MGAT4C: variants seen among roughly 807,000 people sequenced by gnomAD.
MGAT4C encodes alpha-1,3-mannosyl-glycoprotein 4-beta-N-acetylglucosaminyltransferase C.
MGAT4C carries 19 observed loss-of-function variants against 40.1 expected under a neutral mutation model. The ratio of observed to expected loss-of-function variants is 0.47; its 90% confidence interval spans 0.33 to 0.70. The LOEUF (loss-of-function observed/expected upper bound fraction) is 0.70, where lower values mean the gene tolerates loss of function less well. MGAT4C is among the 30% of genes least tolerant of loss of function. MGAT4C has a pLI of 0.02. For missense variants in MGAT4C, 491 were observed against 563.2 expected, an observed-to-expected ratio of 0.87 and a Z score of 1.30; for synonymous variants, 181 against 187.1, an observed-to-expected ratio of 0.97 and a Z score of 0.27.
chr12:86,021,728 T>TA (rs1889754157), intron 2 of MGAT4C, among the ~76,000 whole-genome samples: 2 of 152,192 alleles, frequency 1.3e-5, no homozygotes, highest in Admixed American at 6.5e-5. Flanking sequence ...CCCTAAAACT[T>TA]AGAGTATAAT....
At chr12:86,819,743 A>G (rs1952674407) in intron 1 of MGAT4C, among the ~76,000 whole-genome samples, 2 of 150,912 alleles carry the variant, frequency 1.3e-5, no homozygotes, top group South Asian at 4.1e-4. Context: ...CTTAGAGTTA[A>G]TTAGAATATC....
chr12:85,990,377 TAACA>T (rs779336182), intron 2 of MGAT4C, among the ~76,000 whole-genome samples: 2 of 152,170 alleles, frequency 1.3e-5, no homozygotes, highest in Non-Finnish European at 2.9e-5. Flanking sequence ...CTGAAGCACT[TAACA>T]AACTAGAAAA....
chr12:86,760,013 A>T (rs1260951174), intron 1 of MGAT4C, among the ~76,000 whole-genome samples: 1 of 152,150 alleles, frequency 6.6e-6, no homozygotes. Context: ...CACATCACCT[A>T]TCTTCAAAAC....
intron 1 of MGAT4C, among the ~76,000 whole-genome samples, chr12:86,806,933 C>G (rs1237165966): frequency 6.6e-6 from 1 of 151,650 alleles, no homozygotes; most frequent in South Asian, 2.1e-4. Flanking sequence ...TGCAGCATAC[C>G]AACATGGCAC....
intron 2 of MGAT4C, among the ~76,000 whole-genome samples, chr12:86,561,014 GA>G (rs939166095): frequency 1.1e-4 from 16 of 151,906 alleles, no homozygotes; most frequent in African/African-American, 3.9e-4. Context: ...ATAAGTAGCT[GA>G]AAAAGAAACT....
chr12:86,191,774 G>GTGTGTGTGTT (rs1245402440), intron 1 of MGAT4C, among the ~76,000 whole-genome samples: 1 of 146,214 alleles, frequency 6.8e-6, no homozygotes, highest in East Asian at 2.2e-4. Flanking sequence ...GTGTGTGTGT[G>GTGTGTGTGTT]TGTGTGTGTG....
At chr12:86,574,337 A>G (rs1247620675) in intron 2 of MGAT4C, among the ~76,000 whole-genome samples, 1 of 151,742 alleles carries the variant, frequency 6.6e-6, no homozygotes, top group Non-Finnish European at 1.5e-5. Flanking sequence ...TTAAGATGAA[A>G]TATTTATATT....
intron 1 of MGAT4C, among the ~76,000 whole-genome samples, chr12:86,208,805 CAG>C (rs1950353693): frequency 6.6e-6 from 1 of 152,060 alleles, no homozygotes; most frequent in African/African-American, 2.4e-5. Flanking sequence ...CAAATTCTAA[CAG>C]TGTATATAAT....
intron 2 of MGAT4C, among the ~76,000 whole-genome samples, chr12:86,715,521 T>G (rs760480763): frequency 2.6e-5 from 4 of 152,114 alleles, no homozygotes; most frequent in Non-Finnish European, 4.4e-5. Context: ...AGTTTAAACT[T>G]TTAGAGAGTC....
intron 1 of MGAT4C, among the ~76,000 whole-genome samples, chr12:86,788,282 T>G (rs1195742092): frequency 6.6e-6 from 1 of 151,246 alleles, no homozygotes; most frequent in African/African-American, 2.4e-5. Context: ...TATGCTTTAA[T>G]TTTATTCATT....
chr12:86,713,283 A>T (rs929775407), intron 2 of MGAT4C, among the ~76,000 whole-genome samples: 1 of 152,126 alleles, frequency 6.6e-6, no homozygotes, highest in Admixed American at 6.6e-5. Flanking sequence ...TCCCTCTGTG[A>T]GTACTGTTGA....
intron 2 of MGAT4C, among the ~76,000 whole-genome samples, chr12:86,710,389 C>A (rs1348954426): frequency 2.0e-5 from 3 of 152,190 alleles, no homozygotes; most frequent in African/African-American, 7.2e-5. Context: ...ACATCAGCTT[C>A]CATAACACTT....
intron 2 of MGAT4C, among the ~76,000 whole-genome samples, chr12:86,526,726 G>T (rs889791850): frequency 1.3e-5 from 2 of 152,198 alleles, no homozygotes; most frequent in African/African-American, 4.8e-5. Flanking sequence ...TTAAGCCTAG[G>T]GGGAGGGCCA....
At position 86,582,455 on chromosome 12, in the gene MGAT4C, G is replaced by A. The variant is rs1960826136; in HGVS notation, c.-229+144754C>T. On this transcript the variant is annotated intron_variant, in intron 2 of 7. Coordinates refer to the MGAT4C transcript ENST00000548651. Reference sequence around the variant, plus strand: ...CCAATTTGTTTGCTTGAAATTGAATGAAATCCAATTATGCCTACACTGTGA... The same window carrying A: ...CCAATTTGTTTGCTTGAAATTGAATAAAATCCAATTATGCCTACACTGTGA... Among the ~76,000 whole-genome samples, 3 of 151,200 alleles carry A rather than the reference G, an allele frequency of 2.0e-5. No individual in the cohort carries two copies. In the Admixed American group the frequency reaches 2.0e-4, roughly 10 times the overall value.
intron 2 of MGAT4C, among the ~76,000 whole-genome samples, chr12:86,565,147 G>A (rs1960036018): frequency 6.6e-6 from 1 of 152,154 alleles, no homozygotes; most frequent in Admixed American, 6.5e-5. Flanking sequence ...ATCATTAAGT[G>A]GGTGCTTTCT....
At chr12:86,316,193 C>T (rs1954225043) in intron 4 of MGAT4C, among the ~76,000 whole-genome samples, 1 of 150,712 alleles carries the variant, frequency 6.6e-6, no homozygotes, top group Admixed American at 6.6e-5. Context: ...TCAGAATGGC[C>T]ATCACTAAAA....
chr12:86,403,973 T>A lies in MGAT4C; in HGVS notation c.-120+31184A>T, dbSNP rs149711517. On this transcript the variant is annotated intron_variant, in intron 3 of 7. Coordinates refer to the MGAT4C transcript ENST00000548651. ...ACTGGAAGAACTTGGATTGTGTATA[T>A]GTGATATTGAGATAATCAAATATTA... 6.6e-4 allele frequency among the ~76,000 whole-genome samples: 101 copies of A among 152,326 alleles called. 1 individual carries two copies. Among genetic ancestry groups the A allele is most frequent in the African/African-American group, 2.3e-3 (97 of 41,564 alleles).
At chr12:86,170,928 A>G (rs1393303931) in intron 1 of MGAT4C, among the ~76,000 whole-genome samples, 1 of 152,108 alleles carries the variant, frequency 6.6e-6, no homozygotes, top group Non-Finnish European at 1.5e-5. Context: ...GAGAAGAAAG[A>G]AAAAGGATAA....
At chr12:86,123,058 T>A (rs1879676608) in intron 1 of MGAT4C, among the ~76,000 whole-genome samples, 1 of 152,148 alleles carries the variant, frequency 6.6e-6, no homozygotes, top group African/African-American at 2.4e-5. Context: ...TACAAATATT[T>A]AATGAACTTC....
Sources: gnomAD v4.1 joint callset for allele counts (sites outside exome capture counted in the v4.1 genomes callset) on GRCh38, gnomAD v4.1.1 for gene constraint, MANE v1.5 for transcripts, NCBI Gene and HGNC (gene_info 2026-07-23, HGNC 2026-07-21) for gene names.